HEATR4: variants seen among roughly 807,000 people sequenced by gnomAD.
HEATR4 encodes HEAT repeat-containing protein 4.
A neutral mutation model predicts 108.8 loss-of-function variants in HEATR4; 95 were observed. The observed-to-expected ratio is 0.87, with a 90% CI of 0.74 to 1.04. HEATR4 has a LOEUF of 1.04. Ranked by LOEUF, HEATR4 falls within the 50% of genes least tolerant of loss-of-function variation. The probability of loss-of-function intolerance (pLI) is 0.00; values close to 1 mark genes in which losing one functional copy is unlikely to be tolerated. For synonymous variants in HEATR4, 443 were observed against 459.4 expected (o/e 0.96, Z 0.46); for missense variants, 1,152 against 1,253.8 (o/e 0.92, Z 1.23).
chr14:73,535,469 C>CTTTTTTTTTTTTTTTTTTTT (rs869167008), intron 1 of HEATR4, among the ~76,000 whole-genome samples: 4 of 16,538 alleles, frequency 2.4e-4, no homozygotes, highest in Non-Finnish European at 2.8e-4. Flanking sequence ...TTTCTTCTTT[C>CTTTTTTTTTTTTTTTTTTTT]TTTTTTTTTT....
intron 2 of HEATR4, among the ~76,000 whole-genome samples, chr14:73,528,534 G>C (rs1221573679): frequency 6.6e-6 from 1 of 152,124 alleles, no homozygotes; most frequent in Admixed American, 6.6e-5. Context: ...ATCAAAAGAG[G>C]CTTGTTCTGG....
At chr14:73,589,264 G>T in the HEATR4 span, among the ~76,000 whole-genome samples, 41 of 152,168 alleles carry the variant, frequency 2.7e-4, no homozygotes, top group African/African-American at 8.2e-4. Flanking sequence ...GGCAACTACT[G>T]ATCTTTTTAC....
chr14:73,549,091 C>T (rs937472302), intron 1 of HEATR4, among the ~76,000 whole-genome samples: 1 of 114,412 alleles, frequency 8.7e-6, no homozygotes, highest in African/African-American at 2.8e-5. Flanking sequence ...GATCAAGGCA[C>T]CAGCAGATCT....
chr14:73,491,457 C>T, intron 17 of HEATR4: 1 of 1,425,344 alleles, frequency 7.0e-7, no homozygotes, highest in South Asian at 1.5e-5. Flanking sequence ...GAGACCTCGG[C>T]CCTGCTGTGC....
rs1333061977 is a variant in HEATR4 at position 73,514,248 on chromosome 14, CA to C, written c.1211-15del. ...CAGGTCTGTAAGCTGTGCAACGTGG[CA>C]GTGTGAGGTCTTTTCACCCCACTGC... On this transcript the variant is annotated splice_polypyrimidine_tract_variant and intron_variant, in intron 5 of 17. Coordinates refer to ENST00000553558, the MANE Select transcript of HEATR4 (RefSeq NM_001220484.1). The C allele has an allele frequency of 6.2e-7, 1 of 1,611,568 alleles. No homozygotes were observed. Among genetic ancestry groups the C allele is most frequent in the Non-Finnish European group, 8.5e-7 (1 of 1,178,344 alleles).
chr14:73,541,402 T>G, intron 1 of HEATR4: 1 of 1,048,106 alleles, frequency 9.5e-7, no homozygotes, highest in Non-Finnish European at 1.3e-6. Flanking sequence ...CTGGGTCACA[T>G]GTGTGGTAAG....
intron 6 of HEATR4, 80 bp from the exon 7 acceptor site, chr14:73,512,229 C>A: frequency 6.7e-7 from 1 of 1,503,552 alleles, no homozygotes; most frequent in Non-Finnish European, 9.1e-7. Flanking sequence ...GACAAGAAGT[C>A]TGCCCTTCAC....
rs1196372612 is a variant in HEATR4 at position 73,534,341 on chromosome 14, T to C, written c.-151-4097A>G. Reference sequence around the variant, plus strand: ...TTGCAGTGAGCCGAGATCAGACCACTGCACTCCAGCCTGGGCGACAGAGCA... The same window carrying C: ...TTGCAGTGAGCCGAGATCAGACCACCGCACTCCAGCCTGGGCGACAGAGCA... On this transcript the variant is annotated intron_variant, in intron 1 of 17. Transcript: ENST00000553558. 2.8e-5 allele frequency among the ~76,000 whole-genome samples: 3 copies of C among 107,686 alleles called. 1 individual carries two copies. Among genetic ancestry groups the C allele is most frequent in the Admixed American group, 1.1e-4 (1 of 9,290 alleles). The allele number at this position is 107,686 out of a possible 152,430, so 70.6% of individuals were successfully genotyped here. A position where few individuals can be genotyped will look rare whatever the true frequency, so the allele number is the denominator to read the frequency against.
intron 2 of HEATR4, 67 bp from the exon 3 acceptor site, chr14:73,523,291 TC>T: frequency 1.3e-6 from 1 of 757,380 alleles, no homozygotes; most frequent in South Asian, 2.1e-5. Context: ...CCATAGCAGT[TC>T]AGAAAGAGAA....
the HEATR4 span, chr14:73,612,967 G>A: frequency 4.0e-5 from 48 of 1,205,248 alleles, no homozygotes; most frequent in Middle Eastern, 8.5e-4. Context: ...TTCTCCGGCC[G>A]GGGGTGCGGC....
At chr14:73,557,011 G>A (rs1889408159) in intron 1 of HEATR4, among the ~76,000 whole-genome samples, 1 of 113,562 alleles carries the variant, frequency 8.8e-6, no homozygotes, top group Non-Finnish European at 1.9e-5. Context: ...AGCATTATGA[G>A]GCAGCACCCC....
At chr14:73,601,855 T>C in the HEATR4 span, among the ~76,000 whole-genome samples, 1 of 152,136 alleles carries the variant, frequency 6.6e-6, no homozygotes, top group African/African-American at 2.4e-5. Flanking sequence ...TGATTTTAAA[T>C]AGTAATAGTT....
At chr14:73,569,150 G>A in the HEATR4 span, 1 of 1,474,962 alleles carries the variant, frequency 6.8e-7, no homozygotes, top group Non-Finnish European at 9.3e-7. Flanking sequence ...TATTTGGTCT[G>A]GCTGATCGGC....
chr14:73,597,417 C>T, the HEATR4 span, among the ~76,000 whole-genome samples: 998 of 151,988 alleles, frequency 6.6e-3, 15 homozygotes, highest in African/African-American at 0.023. Context: ...CAGAGTCTTG[C>T]TGTGTTGGCC....
the HEATR4 span, among the ~76,000 whole-genome samples, chr14:73,616,340 T>C: frequency 2.6e-5 from 4 of 151,786 alleles, no homozygotes; most frequent in East Asian, 1.9e-4. Flanking sequence ...ATTTTTGAGA[T>C]AGAGTCTCAC....
the HEATR4 span, chr14:73,569,616 C>T: frequency 1.2e-6 from 2 of 1,600,250 alleles, no homozygotes; most frequent in Non-Finnish European, 1.7e-6. Context: ...GGACCTGGAG[C>T]GCGCGCCCGC....
the HEATR4 span, chr14:73,593,975 G>A: frequency 5.1e-6 from 7 of 1,362,016 alleles, no homozygotes; most frequent in East Asian, 2.3e-5. Flanking sequence ...CCTTTACCAC[G>A]TGCAGAAATG....
At chr14:73,605,453 T>C in the HEATR4 span, among the ~76,000 whole-genome samples, 2 of 151,350 alleles carry the variant, frequency 1.3e-5, no homozygotes, top group African/African-American at 4.8e-5. Flanking sequence ...ATAACAGCCC[T>C]TTCCCAAAAA....
chr14:73,595,697 C>T, the HEATR4 span: 1 of 1,505,010 alleles, frequency 6.6e-7, no homozygotes, highest in Admixed American at 2.3e-5. Flanking sequence ...AGATCAGATT[C>T]TAGTGTTCAG....
Sources: gnomAD v4.1 joint callset for allele counts (sites outside exome capture counted in the v4.1 genomes callset) on GRCh38, gnomAD v4.1.1 for gene constraint, MANE v1.5 for transcripts, NCBI Gene and HGNC (gene_info 2026-07-23, HGNC 2026-07-21) for gene names.